FAM210A: variants seen among roughly 807,000 people sequenced by gnomAD.
The protein encoded by FAM210A is mitochondrial inner membrane scaffold 1.
Under a neutral mutation model 25.3 loss-of-function variants are expected in FAM210A, and 13 were observed. The ratio of observed to expected loss-of-function variants is 0.51; its 90% CI spans 0.33 to 0.82. The LOEUF (loss-of-function observed/expected upper bound fraction) is 0.82. Ranked by LOEUF, FAM210A falls within the 40% of genes least tolerant of loss-of-function variation. The pLI is 0.02. For missense variants in FAM210A, 319 were observed against 323.2 expected, an observed-to-expected ratio of 0.99 and a Z score of 0.10; for synonymous variants, 125 against 118.7, an observed-to-expected ratio of 1.05 and a Z score of -0.35.
chr18:13,710,886 A>C (rs987474974), intron 1 of FAM210A, among the ~76,000 whole-genome samples: 1 of 152,216 alleles, frequency 6.6e-6, no homozygotes, highest in Non-Finnish European at 1.5e-5. Flanking sequence ...GACATTAATA[A>C]AACTCTTTGT....
intron 1 of FAM210A, among the ~76,000 whole-genome samples, chr18:13,683,377 T>TATTTGATCTGGCATCAGCATAG (rs1199391916): frequency 6.6e-6 from 1 of 152,134 alleles, no homozygotes; most frequent in Non-Finnish European, 1.5e-5. Context: ...GATGTCTCAC[T>TATTTGATCTGGCATCAGCATAG]ATTTGATCTG....
chr18:13,695,477 A>G (rs2043684274), intron 1 of FAM210A, among the ~76,000 whole-genome samples: 1 of 152,220 alleles, frequency 6.6e-6, no homozygotes, highest in African/African-American at 2.4e-5. Context: ...ATGTCCATCA[A>G]CGATAGACTG....
chr18:13,682,145 G>A (rs1365504242), intron 1 of FAM210A, 40 bp from the exon 2 acceptor site: 36 of 1,316,172 alleles, frequency 2.7e-5, no homozygotes, highest in Non-Finnish European at 3.7e-5. Context: ...GTAATACTTA[G>A]GTTTCCATTT....
chr18:13,672,980 T>C (rs2043455956), intron 2 of FAM210A, among the ~76,000 whole-genome samples: 1 of 152,194 alleles, frequency 6.6e-6, no homozygotes, highest in Non-Finnish European at 1.5e-5. Context: ...TCCTGATTAT[T>C]AACATTCCTG....
chr18:13,688,890 T>G (rs2043619643), intron 1 of FAM210A, among the ~76,000 whole-genome samples: 1 of 152,220 alleles, frequency 6.6e-6, no homozygotes, highest in African/African-American at 2.4e-5. Context: ...CTTTCTCCTG[T>G]GATGGGTGGA....
chr18:13,684,638 T>C (rs969248522), intron 1 of FAM210A, among the ~76,000 whole-genome samples: 4 of 152,180 alleles, frequency 2.6e-5, no homozygotes, highest in African/African-American at 9.7e-5. Context: ...GTCAACAACC[T>C]TGATAAACCC....
At chr18:13,711,393 AAAC>A (rs773518925) in intron 1 of FAM210A, among the ~76,000 whole-genome samples, 8 of 151,974 alleles carry the variant, frequency 5.3e-5, no homozygotes, top group African/African-American at 9.7e-5. Context: ...AACAAACAAA[AAAC>A]AACCCCCCCA....
intron 2 of FAM210A, among the ~76,000 whole-genome samples, chr18:13,676,450 T>C (rs552196076): frequency 6.6e-6 from 1 of 150,550 alleles, no homozygotes; most frequent in African/African-American, 2.4e-5. Flanking sequence ...CCCTGACCTC[T>C]TTATTTCCAG....
intron 1 of FAM210A, among the ~76,000 whole-genome samples, chr18:13,716,354 C>T (rs2043861608): frequency 6.6e-6 from 1 of 152,162 alleles, no homozygotes; most frequent in Non-Finnish European, 1.5e-5. Context: ...AATGATGGAT[C>T]CCGATCAAAA....
rs778201852 is a variant in FAM210A at position 13,666,658 on chromosome 18, T to C, written c.641A>G (p.Lys214Arg). Residue 214 changes from lysine (K) to arginine (R), a missense_variant, in exon 4 of 4, where the codon AAG (lysine) becomes AGG (arginine). Lys to Arg is a conservative substitution (Grantham distance 26). Transcript: ENST00000651643. ...VTLGGTSVTV[K>R]YLRSHGYMST... is the part of the protein sequence containing the mutation. ...CATGTAGCCATGACTGCGCAGATACTTCACAGTGACAGATGTTCCTCCCAA... is the reference window on the plus strand; with the variant it reads ...CATGTAGCCATGACTGCGCAGATACCTCACAGTGACAGATGTTCCTCCCAA... 3.1e-6 allele frequency: 5 copies of C among 1,614,228 alleles called. No individual in the cohort carries two copies. Among genetic ancestry groups the C allele is most frequent in the Non-Finnish European group, 4.2e-6 (5 of 1,180,044 alleles).
intron 2 of FAM210A, among the ~76,000 whole-genome samples, chr18:13,679,446 C>T (rs550942117): frequency 3.3e-5 from 5 of 152,122 alleles, no homozygotes; most frequent in Non-Finnish European, 5.9e-5. Context: ...ATTCCTTTTT[C>T]TTTCATTCAT....
chr18:13,711,084 A>C (rs2043817647), intron 1 of FAM210A, among the ~76,000 whole-genome samples: 1 of 152,102 alleles, frequency 6.6e-6, no homozygotes, highest in African/African-American at 2.4e-5. Context: ...TTAAAACAAC[A>C]GCCTTGGCCT....
At chr18:13,701,381 G>A (rs933961152) in intron 1 of FAM210A, among the ~76,000 whole-genome samples, 2 of 152,196 alleles carry the variant, frequency 1.3e-5, no homozygotes, top group African/African-American at 4.8e-5. Flanking sequence ...TCCAGTTAGA[G>A]GCCTCTTACA....
chr18:13,720,147 C>A (rs1417613713), intron 1 of FAM210A, among the ~76,000 whole-genome samples: 2 of 152,314 alleles, frequency 1.3e-5, no homozygotes, highest in Non-Finnish European at 2.9e-5. Flanking sequence ...AGAGCAGTTA[C>A]CTGCAAAGGA....
chr18:13,689,914 G>A (rs2043628502), intron 1 of FAM210A, among the ~76,000 whole-genome samples: 1 of 152,218 alleles, frequency 6.6e-6, no homozygotes, highest in African/African-American at 2.4e-5. Flanking sequence ...TCATCTCACT[G>A]GGGCTTGTCA....
At chr18:13,713,739 C>T (rs1001371932) in intron 1 of FAM210A, among the ~76,000 whole-genome samples, 1 of 151,830 alleles carries the variant, frequency 6.6e-6, no homozygotes, top group African/African-American at 2.4e-5. Flanking sequence ...CACACACACA[C>T]ACACACACAC....
chr18:13,711,766 T>G (rs2043823713), intron 1 of FAM210A, among the ~76,000 whole-genome samples: 1 of 152,214 alleles, frequency 6.6e-6, no homozygotes, highest in Non-Finnish European at 1.5e-5. Context: ...CTGTCCAGAT[T>G]TTTTTCTGAC....
Position 13,666,082 on chromosome 18 carries a change from C to T in FAM210A, c.*398G>A. The T allele has an allele frequency of 5.9e-6, 1 of 168,430 alleles. No homozygotes were observed. The highest frequency in any genetic ancestry group is 1.5e-4 in the South Asian group (1 of 6,630). The allele number at this position is 168,430 out of a possible 1,614,324, so 10.4% of individuals were successfully genotyped here. A position where few individuals can be genotyped will look rare whatever the true frequency, so the allele number is the denominator to read the frequency against. On this transcript the variant is annotated 3_prime_UTR_variant, in exon 4 of 4. Transcript: ENST00000651643. Reference sequence around the variant, plus strand: ...ATATAGTTAAAATCTTAATGAATAACATAAAAATTAAGATCCGGTATTAAC... The same window carrying T: ...ATATAGTTAAAATCTTAATGAATAATATAAAAATTAAGATCCGGTATTAAC...
intron 1 of FAM210A, among the ~76,000 whole-genome samples, chr18:13,713,006 T>C (rs1237128123): frequency 6.6e-6 from 1 of 152,180 alleles, no homozygotes; most frequent in Non-Finnish European, 1.5e-5. Flanking sequence ...CCCAGCTCTA[T>C]CTTTCGTTGT....
Sources: gnomAD v4.1 joint callset for allele counts (sites outside exome capture counted in the v4.1 genomes callset) on GRCh38, gnomAD v4.1.1 for gene constraint, MANE v1.5 for transcripts, NCBI Gene and HGNC (gene_info 2026-07-23, HGNC 2026-07-21) for gene names.